The following FAF1 variants were observed in gnomAD, a reference collection of about 807,000 sequenced individuals.
FAF1 encodes the protein Fas associated factor 1.
Under a neutral mutation model 92.5 loss-of-function variants are expected in FAF1, and 25 were observed. That is an observed-to-expected ratio of 0.27 (90% CI 0.20 to 0.38). The LOEUF is 0.38. Among genes scored for constraint, FAF1 ranks in the 10% least tolerant of loss-of-function variants. The pLI, the probability that FAF1 is intolerant of heterozygous loss-of-function variation, is 1.00. For missense variants in FAF1, 636 were observed against 793.3 expected (o/e 0.80, Z 2.38); for synonymous variants, 234 against 273.2 (o/e 0.86, Z 1.42).
At chr1:50,528,645 T>C (rs1647968558) in intron 15 of FAF1, among the ~76,000 whole-genome samples, 1 of 152,316 alleles carries the variant, frequency 6.6e-6, no homozygotes, top group African/African-American at 2.4e-5. Context: ...TATACTAATG[T>C]TGAACCACAG....
At chr1:50,690,821 C>T (rs976573224) in intron 7 of FAF1, among the ~76,000 whole-genome samples, 6 of 152,104 alleles carry the variant, frequency 3.9e-5, no homozygotes, top group African/African-American at 9.7e-5. Context: ...TTGATATAAA[C>T]GTAATTATAT....
At chr1:50,952,743 G>T (rs566951918) in intron 1 of FAF1, among the ~76,000 whole-genome samples, 1 of 150,650 alleles carries the variant, frequency 6.6e-6, no homozygotes, top group African/African-American at 2.5e-5. Flanking sequence ...ACTGAGGAGC[G>T]TCTCTGCCCG....
chr1:50,767,385 C>T (rs991482266), intron 4 of FAF1, among the ~76,000 whole-genome samples: 13 of 152,176 alleles, frequency 8.5e-5, no homozygotes, highest in Non-Finnish European at 1.6e-4. Context: ...ACGTGGAAAA[C>T]ATATTTTAGG....
chr1:50,602,902 T>C (rs560089011), intron 8 of FAF1, among the ~76,000 whole-genome samples: 1 of 152,186 alleles, frequency 6.6e-6, no homozygotes, highest in Non-Finnish European at 1.5e-5. Flanking sequence ...GAGCTCAGTA[T>C]GTATTGTTAT....
chr1:50,443,207 G>T (rs560270093), intron 18 of FAF1, among the ~76,000 whole-genome samples: 4 of 152,154 alleles, frequency 2.6e-5, no homozygotes, highest in Non-Finnish European at 4.4e-5. Flanking sequence ...TGGGAGAAAC[G>T]ATCATTGTAA....
At chr1:50,669,552 T>C (rs1655777240) in intron 7 of FAF1, among the ~76,000 whole-genome samples, 1 of 151,782 alleles carries the variant, frequency 6.6e-6, no homozygotes, top group South Asian at 2.1e-4. Context: ...TTTAAACATA[T>C]AGTTGATAAA....
chr1:50,549,835 G>A (rs1649217301), intron 13 of FAF1, among the ~76,000 whole-genome samples: 1 of 151,798 alleles, frequency 6.6e-6, no homozygotes, highest in South Asian at 2.1e-4. Context: ...TGCCCAGGCT[G>A]ATCACAAACT....
At chr1:50,657,138 G>A (rs1655150040) in intron 7 of FAF1, among the ~76,000 whole-genome samples, 1 of 151,804 alleles carries the variant, frequency 6.6e-6, no homozygotes, top group African/African-American at 2.4e-5. Context: ...TTTGAGTCCA[G>A]GAAGTTGAGG....
chr1:50,836,589 T>A (rs1415224019), intron 2 of FAF1, among the ~76,000 whole-genome samples: 1 of 152,128 alleles, frequency 6.6e-6, no homozygotes, highest in East Asian at 1.9e-4. Context: ...ACAATGAACA[T>A]CAATGTACCT....
intron 6 of FAF1, among the ~76,000 whole-genome samples, chr1:50,729,961 C>T (rs1658848953): frequency 6.6e-6 from 1 of 152,020 alleles, no homozygotes; most frequent in South Asian, 2.1e-4. Context: ...GCAGAGGTTG[C>T]AGTGAGCCCA....
At chr1:50,729,002 TTATCTATC>T (rs763620552) in intron 6 of FAF1, among the ~76,000 whole-genome samples, 32 of 114,932 alleles carry the variant, frequency 2.8e-4, no homozygotes, top group African/African-American at 1.0e-3. Flanking sequence ...AAAGAAAACT[TTATCTATC>T]TATCTATCTA....
intron 2 of FAF1, among the ~76,000 whole-genome samples, chr1:50,842,057 A>G (rs1644260691): frequency 6.6e-6 from 1 of 152,046 alleles, no homozygotes; most frequent in Non-Finnish European, 1.5e-5. Context: ...TTTCTAACTT[A>G]CTTGGAATTC....
At chr1:50,819,789 A>G (rs1972100) in intron 2 of FAF1, among the ~76,000 whole-genome samples, 19,821 of 63,262 alleles carry the variant, frequency 0.31, 4,023 homozygotes, top group Middle Eastern at 0.53. Flanking sequence ...ATATATATAC[A>G]TATATATATA....
At chr1:50,491,606 A>T (rs1441271245) in intron 16 of FAF1, 115 bp downstream of exon 16, 1 of 677,164 alleles carries the variant, frequency 1.5e-6, no homozygotes, top group Non-Finnish European at 2.6e-6. Context: ...CTGTTAACTA[A>T]ATCTAGCTTT....
At chr1:50,493,478 AT>A (rs1226780062) in intron 15 of FAF1, among the ~76,000 whole-genome samples, 2 of 152,242 alleles carry the variant, frequency 1.3e-5, no homozygotes, top group African/African-American at 4.8e-5. Flanking sequence ...GATGTTTAAA[AT>A]TTTAATTTGA....
At chr1:50,446,958 C>T (rs79811361) in intron 18 of FAF1, among the ~76,000 whole-genome samples, 1,672 of 134,234 alleles carry the variant, frequency 0.012, 41 homozygotes, top group African/African-American at 0.045. Flanking sequence ...AGAACCAGAA[C>T]CCAGGCCTTC....
intron 8 of FAF1, among the ~76,000 whole-genome samples, chr1:50,598,522 T>G (rs1182088159): frequency 6.6e-6 from 1 of 151,904 alleles, no homozygotes; most frequent in Non-Finnish European, 1.5e-5. Flanking sequence ...AACATGACCT[T>G]TCCTAACAGG....
chr1:50,890,073 G>A (rs1485600689), intron 1 of FAF1, among the ~76,000 whole-genome samples: 2 of 152,156 alleles, frequency 1.3e-5, no homozygotes, highest in East Asian at 3.9e-4. Flanking sequence ...TGTATATTTA[G>A]GATAGTTAGC....
intron 4 of FAF1, among the ~76,000 whole-genome samples, chr1:50,760,665 A>C (rs1660288409): frequency 6.6e-6 from 1 of 152,200 alleles, no homozygotes; most frequent in South Asian, 2.1e-4. Flanking sequence ...ACATACCAGA[A>C]TCTCTGGGAC....
Sources: gnomAD v4.1 joint callset for allele counts (sites outside exome capture counted in the v4.1 genomes callset) on GRCh38, gnomAD v4.1.1 for gene constraint, MANE v1.5 for transcripts, NCBI Gene and HGNC (gene_info 2026-07-23, HGNC 2026-07-21) for gene names.